Variants in LRMDA observed in about 807,000 individuals in gnomAD.
LRMDA encodes leucine-rich melanocyte differentiation-associated protein.
LRMDA carries 18 observed loss-of-function variants against 29.8 expected under a neutral mutation model. The ratio of observed to expected loss-of-function variants is 0.60; its 90% CI spans 0.42 to 0.90. The LOEUF is 0.90. Among genes scored for constraint, LRMDA ranks in the 40% least tolerant of loss-of-function variants. The pLI is 0.00. For missense variants in LRMDA, 273 were observed against 273.9 expected, an observed-to-expected ratio of 1.00 and a Z score of 0.02; for synonymous variants, 125 against 109.4, an observed-to-expected ratio of 1.14 and a Z score of -0.89.
At chr10:75,873,985 A>G in intron 2 of LRMDA, among the ~76,000 whole-genome samples, 1 of 152,116 alleles carries the variant, frequency 6.6e-6, no homozygotes, top group Non-Finnish European at 1.5e-5. Flanking sequence ...TCTGTTTTCC[A>G]GGTGGTGGCA....
chr10:76,379,884 T>C (rs1841568760), intron 6 of LRMDA, among the ~76,000 whole-genome samples: 1 of 152,202 alleles, frequency 6.6e-6, no homozygotes, highest in African/African-American at 2.4e-5. Context: ...GTTTGCTGTA[T>C]TCTAGAGGTT....
chr10:76,115,834 A>C (rs1157278132), intron 5 of LRMDA, among the ~76,000 whole-genome samples: 1 of 152,002 alleles, frequency 6.6e-6, no homozygotes, highest in Non-Finnish European at 1.5e-5. Context: ...GGGGGACTGG[A>C]GTGGTGAGGG....
At chr10:75,531,242 G>C (rs1845473981) in intron 2 of LRMDA, among the ~76,000 whole-genome samples, 1 of 152,176 alleles carries the variant, frequency 6.6e-6, no homozygotes, top group Non-Finnish European at 1.5e-5. Flanking sequence ...CTGAAGAGAG[G>C]TGGCAGAGGG....
chr10:75,497,718 T>G (rs1845064256), intron 2 of LRMDA, among the ~76,000 whole-genome samples: 2 of 152,088 alleles, frequency 1.3e-5, no homozygotes, highest in Non-Finnish European at 2.9e-5. Context: ...TAGTATATAT[T>G]TTTGTGTACG....
intron 2 of LRMDA, among the ~76,000 whole-genome samples, chr10:75,839,329 C>T (rs1037127391): frequency 1.3e-5 from 2 of 152,194 alleles, no homozygotes; most frequent in African/African-American, 4.8e-5. Context: ...TCCACCAGTC[C>T]ATCATTAATA....
chr10:76,092,263 G>A (rs1432390561), intron 5 of LRMDA, among the ~76,000 whole-genome samples: 1 of 152,128 alleles, frequency 6.6e-6, no homozygotes, highest in Non-Finnish European at 1.5e-5. Context: ...GGTAAGAACT[G>A]GTAATACTGA....
At chr10:75,541,132 G>A (rs532967252) in intron 2 of LRMDA, among the ~76,000 whole-genome samples, 2 of 152,280 alleles carry the variant, frequency 1.3e-5, no homozygotes, top group South Asian at 4.1e-4. Flanking sequence ...ACCCTGGTGG[G>A]ACGGAATTCC....
At chr10:76,150,634 C>T (rs1850422864) in intron 5 of LRMDA, among the ~76,000 whole-genome samples, 2 of 152,202 alleles carry the variant, frequency 1.3e-5, no homozygotes, top group East Asian at 3.9e-4. Flanking sequence ...TCTCTGGATA[C>T]AGCCTGTCTC....
At chr10:76,479,750 T>C (rs543929215) in intron 6 of LRMDA, among the ~76,000 whole-genome samples, 58 of 152,078 alleles carry the variant, frequency 3.8e-4, no homozygotes, top group African/African-American at 1.4e-3. Flanking sequence ...AAAAAGAGTA[T>C]GACGGGTCGA....
At position 76,335,376 on chromosome 10, in the gene LRMDA, C is replaced by T. The variant is rs933658489; in HGVS notation, c.601+10891C>T. Reference sequence around the variant, plus strand: ...GAAGTTTTTCTTGTTGCACAGAATACAAGGGAAGTAGCCAGGTGCTGCAAA... The same window carrying T: ...GAAGTTTTTCTTGTTGCACAGAATATAAGGGAAGTAGCCAGGTGCTGCAAA... On this transcript the variant is annotated intron_variant, in intron 6 of 6. Coordinates refer to ENST00000611255, the MANE Select transcript of LRMDA (RefSeq NM_001305581.2). 3.3e-5 allele frequency among the ~76,000 whole-genome samples: 5 copies of T among 152,132 alleles called. No individual in the cohort carries two copies. In the South Asian group the frequency reaches 8.3e-4, roughly 25 times the overall value.
At chr10:75,635,875 C>A (rs1192292960) in intron 2 of LRMDA, among the ~76,000 whole-genome samples, 1 of 151,808 alleles carries the variant, frequency 6.6e-6, no homozygotes, top group African/African-American at 2.4e-5. Flanking sequence ...TCGTACTGCA[C>A]CCTGTTTACT....
intron 2 of LRMDA, among the ~76,000 whole-genome samples, chr10:75,442,455 G>GT (rs1308212376): frequency 2.6e-5 from 4 of 152,186 alleles, no homozygotes; most frequent in Non-Finnish European, 2.9e-5. Flanking sequence ...TAAGAGATCA[G>GT]TTTTTTCTTC....
intron 5 of LRMDA, among the ~76,000 whole-genome samples, chr10:76,141,317 T>A (rs1218050848): frequency 6.6e-5 from 10 of 152,120 alleles, no homozygotes; most frequent in Non-Finnish European, 1.5e-5. Context: ...ATAACCCTTT[T>A]TGGCAGCAAT....
chr10:75,960,379 A>G lies in LRMDA; in HGVS notation c.132-75629A>G, dbSNP rs1316478266. 2.1e-5 allele frequency among the ~76,000 whole-genome samples: 3 copies of G among 142,850 alleles called. No homozygotes were observed. The East Asian group carries it at 5.8e-4, about 28-fold the overall frequency. The allele number at this position is 142,850 out of a possible 152,430, so 93.7% of individuals were successfully genotyped here. A position where few individuals can be genotyped will look rare whatever the true frequency, so the allele number is the denominator to read the frequency against. ...TAAAAACAACAACAAAAAACCCACA[A>G]ATGGCTGCAGGAAAGAAAAGAGCTT... On this transcript the variant is annotated intron_variant, in intron 2 of 6. Coordinates refer to ENST00000611255, the MANE Select transcript of LRMDA (RefSeq NM_001305581.2).
chr10:76,469,461 A>C (rs1342211860), intron 6 of LRMDA, among the ~76,000 whole-genome samples: 1 of 152,058 alleles, frequency 6.6e-6, no homozygotes, highest in Admixed American at 6.6e-5. Context: ...GATGGGGTGG[A>C]GGGTCCACAC....
intron 2 of LRMDA, among the ~76,000 whole-genome samples, chr10:75,768,844 G>A (rs951949251): frequency 4.6e-5 from 7 of 152,174 alleles, no homozygotes; most frequent in African/African-American, 1.7e-4. Context: ...TAATTGAGGT[G>A]CAAAGTAAAA....
At chr10:76,184,038 T>A (rs909871812) in intron 5 of LRMDA, among the ~76,000 whole-genome samples, 5 of 150,886 alleles carry the variant, frequency 3.3e-5, no homozygotes, top group Admixed American at 6.6e-5. Context: ...TATTTATTTT[T>A]TTTTTTTTTG....
At chr10:75,647,379 G>A (rs113665829) in intron 2 of LRMDA, 2,101 of 152,474 alleles carry the variant, frequency 0.014, 10 homozygotes, top group Non-Finnish European at 0.02. Flanking sequence ...CCATGCAGAG[G>A]GAGGTGCCAA....
intron 5 of LRMDA, among the ~76,000 whole-genome samples, chr10:76,195,787 A>T (rs1451053279): frequency 1.3e-5 from 2 of 152,236 alleles, no homozygotes; most frequent in African/African-American, 4.8e-5. Context: ...AAGCAAACAC[A>T]GTAAATTAAA....
Sources: gnomAD v4.1 joint callset for allele counts (sites outside exome capture counted in the v4.1 genomes callset) on GRCh38, gnomAD v4.1.1 for gene constraint, MANE v1.5 for transcripts, NCBI Gene and HGNC (gene_info 2026-07-23, HGNC 2026-07-21) for gene names.